The following HSD17B13 variants were observed in gnomAD, a reference collection of about 807,000 sequenced individuals.
HSD17B13 encodes 17-beta-hydroxysteroid dehydrogenase 13.
Under a neutral mutation model 31.1 loss-of-function variants are expected in HSD17B13, and 26 were observed. The ratio of observed to expected loss-of-function variants is 0.84; its 90% confidence interval spans 0.61 to 1.16. The LOEUF (loss-of-function observed/expected upper bound fraction) is 1.16, where lower values mean the gene tolerates loss of function less well. Ranked by LOEUF, HSD17B13 falls within the 50% of genes most tolerant of loss-of-function variation. HSD17B13 has a pLI of 0.00. For synonymous variants in HSD17B13, 141 were observed against 133.7 expected, an observed-to-expected ratio of 1.05 and a Z score of -0.38; for missense variants, 374 against 366.5, an observed-to-expected ratio of 1.02 and a Z score of -0.17.
In HSD17B13 at chr4:87,303,808, G is replaced by A. The variant is rs1479635438; in HGVS notation, c.*1410C>T. 2 of 151,980 alleles carry A rather than the reference G, an allele frequency of 1.3e-5. No homozygotes were observed. The highest frequency in any genetic ancestry group is 1.5e-5 in the Non-Finnish European group (1 of 67,980). 9.4% of individuals were successfully genotyped at this position (151,980 alleles called of 1,614,324 possible). A position where few individuals can be genotyped will look rare whatever the true frequency, so the allele number is the denominator to read the frequency against. On this transcript the variant is annotated 3_prime_UTR_variant, in exon 7 of 7. Transcript: ENST00000328546. ...TAGAGACAGAGTTTAGAAGTCAAACGTTTTATTTTATAACTACAAGAGGTT... is the reference window on the plus strand; with the variant it reads ...TAGAGACAGAGTTTAGAAGTCAAACATTTTATTTTATAACTACAAGAGGTT...
chr4:87,321,493 T>C (rs1734786784), intron 1 of HSD17B13, among the ~76,000 whole-genome samples: 1 of 152,224 alleles, frequency 6.6e-6, no homozygotes, highest in East Asian at 1.9e-4. Context: ...CATAGATTTA[T>C]ACTTATTTAT....
At chr4:87,306,733 T>C (rs904450181) in intron 6 of HSD17B13, among the ~76,000 whole-genome samples, 8 of 151,682 alleles carry the variant, frequency 5.3e-5, no homozygotes, top group Admixed American at 5.3e-4. Flanking sequence ...GGTGAAACCC[T>C]GTCTCTACTA....
chr4:87,314,240 T>C (rs1734597532), intron 4 of HSD17B13, among the ~76,000 whole-genome samples: 1 of 151,770 alleles, frequency 6.6e-6, no homozygotes. Flanking sequence ...ACATGTAAGG[T>C]TTTTCCATTG....
At chr4:87,317,042 T>G in intron 3 of HSD17B13, 50 bp downstream of exon 3, 2 of 1,585,246 alleles carry the variant, frequency 1.3e-6, no homozygotes, top group Non-Finnish European at 1.7e-6. Flanking sequence ...AAGTTTCATG[T>G]ATCTTAAGAG....
chr4:87,308,715 TAAGACATTCTA>T (rs1202027680), intron 6 of HSD17B13, among the ~76,000 whole-genome samples: 1 of 149,588 alleles, frequency 6.7e-6, no homozygotes, highest in Non-Finnish European at 1.5e-5. Context: ...AATAAATAAA[TAAGACATTCTA>T]AAGACATTAA....
intron 6 of HSD17B13, among the ~76,000 whole-genome samples, chr4:87,306,008 T>A (rs770134782): frequency 6.6e-6 from 1 of 152,184 alleles, no homozygotes; most frequent in Non-Finnish European, 1.5e-5. Flanking sequence ...ATGATTTATG[T>A]TTTACTGAAT....
chr4:87,307,808 C>T (rs967578615), intron 6 of HSD17B13, among the ~76,000 whole-genome samples: 5 of 152,256 alleles, frequency 3.3e-5, no homozygotes, highest in African/African-American at 1.2e-4. Context: ...GCCTAGTCAA[C>T]TCGCGAGATG....
At chr4:87,307,455 T>C (rs1734414228) in intron 6 of HSD17B13, among the ~76,000 whole-genome samples, 1 of 152,350 alleles carries the variant, frequency 6.6e-6, no homozygotes, top group South Asian at 2.1e-4. Context: ...TGAAACTCAC[T>C]TCCTACAGTG....
chr4:87,315,496 T>C lies in HSD17B13; in HGVS notation c.554A>G (p.Tyr185Cys). The C allele has an allele frequency of 6.3e-7, 1 of 1,576,938 alleles. No homozygotes were observed. The highest frequency in any genetic ancestry group is 2.2e-5 in the East Asian group (1 of 44,580). Residue 185 changes from tyrosine (Y) to cysteine (C), a missense_variant, in exon 4 of 7, where the codon TAT (tyrosine) becomes TGT (cysteine). By Grantham distance (194) the Tyr-to-Cys change is radical. Coordinates refer to ENST00000328546, the MANE Select transcript of HSD17B13 (RefSeq NM_178135.5). The part of the protein sequence containing the change: ...GHEGIPYLIP[Y>C]CSSKFAAVGF... ...ATGGCTGGCATGTGATACTTACCAA[T>C]ATGGGATGAGGTAAGGAATCCCTTC...
chr4:87,305,310 T>G lies in HSD17B13; in HGVS notation c.813-2A>C. The G allele has an allele frequency of 6.4e-7, 1 of 1,573,538 alleles. No individual in the cohort carries two copies. Among genetic ancestry groups the G allele is most frequent in the Non-Finnish European group, 8.6e-7 (1 of 1,166,882 alleles). ...GCTGAGGCGCGTTCAGGAAGAAACC[T>G]GTACAAAAAAGAAAAAAAAATTGAA... On this transcript the variant is annotated splice_acceptor_variant, in intron 6 of 6. Coordinates refer to ENST00000328546, the MANE Select transcript of HSD17B13 (RefSeq NM_178135.5). LOFTEE classifies it high-confidence loss of function.
chr4:87,315,437 G>T, intron 4 of HSD17B13, 56 bp downstream of exon 4: 2 of 1,042,670 alleles, frequency 1.9e-6, no homozygotes, highest in Non-Finnish European at 2.9e-6. Flanking sequence ...AATTTGAAGT[G>T]TAATGCTCCC....
rs370787852 is a variant in HSD17B13, at chr4:87,322,710, A to G, written c.132T>C (p.Ala44=). Residue 44 remains alanine, a synonymous_variant, in exon 1 of 7, where the codon GCT becomes GCC. Transcript: ENST00000328546. The part of the protein sequence containing the change: ...VAGEIVLITG[A]GHGIGRQTTY... Reference sequence around the variant, plus strand: ...TAGTCTGCCTGCCTATTCCATGCCCAGCTCCAGTAATGAGAACAATCTCCC... The same window carrying G: ...TAGTCTGCCTGCCTATTCCATGCCCGGCTCCAGTAATGAGAACAATCTCCC... 2.0e-5 allele frequency: 32 copies of G among 1,614,086 alleles called. No individual in the cohort carries two copies. The African/African-American group carries it at 4.1e-4, about 21-fold the overall frequency.
intron 6 of HSD17B13, among the ~76,000 whole-genome samples, chr4:87,308,068 T>C (rs957590064): frequency 6.6e-6 from 1 of 152,238 alleles, no homozygotes; most frequent in African/African-American, 2.4e-5. Context: ...TGAGAGAGTA[T>C]TTCCTCTGGG....
chr4:87,318,653 C>T (rs1371325237), intron 1 of HSD17B13, among the ~76,000 whole-genome samples: 1 of 150,684 alleles, frequency 6.6e-6, no homozygotes, highest in African/African-American at 2.4e-5. Flanking sequence ...CAAAAATTAG[C>T]CAGGCCTGAT....
At chr4:87,313,714 T>G in intron 5 of HSD17B13, 109 bp downstream of exon 5, 5 of 850,386 alleles carry the variant, frequency 5.9e-6, no homozygotes, top group South Asian at 2.0e-5. Flanking sequence ...GAAAAATTAT[T>G]TTTCCTTCTT....
Position 87,305,241 on chromosome 4 carries a change from C to A in HSD17B13, c.880G>T (p.Gly294Cys). 1 of 1,606,444 alleles carries A rather than the reference C, an allele frequency of 6.2e-7. No individual in the cohort carries two copies. Among genetic ancestry groups the A allele is most frequent in the Middle Eastern group, 1.7e-4 (1 of 6,028 alleles). ...MQNIQFEAVV[G>C]HKIKMK ...ATTCATTTCATTTTGATTTTGTGGC[C>A]AACCACTGCTTCAAATTGAATATTC... The change falls in exon 7 of 7, where the codon GGC becomes TGC. Residue 294 changes from glycine to cysteine, a missense_variant. Physicochemically the swap from Gly to Cys is radical, Grantham distance 159 (BLOSUM62 -3). Coordinates refer to ENST00000328546, the MANE Select transcript of HSD17B13 (RefSeq NM_178135.5).
rs530768196 is a variant in HSD17B13, at chr4:87,316,051, A to AT, written c.451-453dup. On this transcript the variant is annotated intron_variant, in intron 3 of 6. Transcript: ENST00000328546. Reference sequence around the variant, plus strand: ...AAGCTGAGAGTTCTACACCACACTAATGAATCATGATTGAATTCACTATCT... The same window carrying AT: ...AAGCTGAGAGTTCTACACCACACTAATTGAATCATGATTGAATTCACTATCT... 4.6e-5 allele frequency among the ~76,000 whole-genome samples: 7 copies of AT among 152,326 alleles called. No homozygotes were observed. The South Asian group carries it at 1.0e-3, about 23-fold the overall frequency.
In HSD17B13 at chr4:87,315,516, C is replaced by T; in HGVS notation, c.534G>A (p.Gly178=). ...ACCAATATGGGATGAGGTAAGGAAT[C>T]CCTTCGTGGCCGCACACTGAAGCCA... ...VTVASVCGHE[G]IPYLIPYCSS... is the part of the protein sequence containing the mutation. The change falls in exon 4 of 7, where the codon GGG becomes GGA. Residue 178 remains glycine, a synonymous_variant. Transcript: ENST00000328546. 1 of 1,609,102 alleles carries T rather than the reference C, an allele frequency of 6.2e-7. No homozygotes were observed. Among genetic ancestry groups the T allele is most frequent in the Non-Finnish European group, 8.5e-7 (1 of 1,176,082 alleles).
chr4:87,307,267 A>T (rs183349042), intron 6 of HSD17B13, among the ~76,000 whole-genome samples: 12 of 152,324 alleles, frequency 7.9e-5, no homozygotes, highest in African/African-American at 2.9e-4. Context: ...GTTACAAACC[A>T]CCATGACAGC....
Sources: allele counts gnomAD v4.1 joint callset (sites outside exome capture counted in the v4.1 genomes callset), GRCh38; gene constraint gnomAD v4.1.1; transcripts MANE v1.5; gene names NCBI Gene and HGNC (gene_info 2026-07-23, HGNC 2026-07-21).